NALF1: variants seen among roughly 807,000 people sequenced by gnomAD.
NALF1 encodes the protein NALCN channel auxiliary factor 1, also known as family with sequence similarity 155 member A.
A neutral mutation model predicts 48.4 loss-of-function variants in NALF1; 3 were observed. The observed-to-expected ratio is 0.06, with a 90% confidence interval of 0.03 to 0.16. The LOEUF (loss-of-function observed/expected upper bound fraction) is 0.16. Ranked by LOEUF, NALF1 falls within the 10% of genes least tolerant of loss-of-function variation. NALF1 has a pLI of 1.00. For missense variants in NALF1, 526 were observed against 571.5 expected, an observed-to-expected ratio of 0.92 and a Z score of 0.81; for synonymous variants, 262 against 245.7, an observed-to-expected ratio of 1.07 and a Z score of -0.62.
At chr13:107,262,447 C>T (rs188068167) in intron 1 of NALF1, among the ~76,000 whole-genome samples, 2 of 152,192 alleles carry the variant, frequency 1.3e-5, no homozygotes, top group Non-Finnish European at 2.9e-5. Context: ...ATGGAAGCTG[C>T]AGCATTTCTT....
At chr13:107,340,139 G>A (rs528225711) in intron 1 of NALF1, among the ~76,000 whole-genome samples, 1 of 150,614 alleles carries the variant, frequency 6.6e-6, no homozygotes, top group Non-Finnish European at 1.5e-5. Context: ...GTTTGCCTGT[G>A]GTTGTATACA....
chr13:107,400,361 C>T (rs1883783442), intron 1 of NALF1, among the ~76,000 whole-genome samples: 1 of 152,010 alleles, frequency 6.6e-6, no homozygotes, highest in Non-Finnish European at 1.5e-5. Flanking sequence ...TAAATATCAA[C>T]AAGGAGGAGA....
chr13:107,287,242 G>T (rs1881513894), intron 1 of NALF1, among the ~76,000 whole-genome samples: 1 of 152,136 alleles, frequency 6.6e-6, no homozygotes, highest in African/African-American at 2.4e-5. Flanking sequence ...AAACTGATGA[G>T]GTACAAACAT....
intron 1 of NALF1, among the ~76,000 whole-genome samples, chr13:107,403,877 T>A (rs753518654): frequency 1.3e-5 from 2 of 152,070 alleles, no homozygotes; most frequent in South Asian, 2.1e-4. Flanking sequence ...ATTGTTTTTG[T>A]CCATGGAAAA....
chr13:107,709,282 T>A (rs1875497221), intron 1 of NALF1, among the ~76,000 whole-genome samples: 1 of 152,112 alleles, frequency 6.6e-6, no homozygotes, highest in Non-Finnish European at 1.5e-5. Context: ...AAAACCAGGT[T>A]GGTATAGTTA....
intron 1 of NALF1, among the ~76,000 whole-genome samples, chr13:107,561,652 A>C (rs1439043433): frequency 6.6e-6 from 1 of 152,154 alleles, no homozygotes; most frequent in African/African-American, 2.4e-5. Flanking sequence ...ATTCCCTGCC[A>C]ATCTTTTTAG....
intron 1 of NALF1, among the ~76,000 whole-genome samples, chr13:107,224,679 C>T (rs895800046): frequency 2.0e-5 from 3 of 151,918 alleles, no homozygotes; most frequent in African/African-American, 7.3e-5. Flanking sequence ...CATTCAATTG[C>T]AAATATATCA....
intron 1 of NALF1, among the ~76,000 whole-genome samples, chr13:107,583,308 T>G (rs1878365915): frequency 6.6e-6 from 1 of 152,128 alleles, no homozygotes; most frequent in South Asian, 2.1e-4. Flanking sequence ...CACTTCAGGG[T>G]CTAAATAAAT....
chr13:107,252,224 T>A (rs1880716184), intron 1 of NALF1, among the ~76,000 whole-genome samples: 1 of 152,086 alleles, frequency 6.6e-6, no homozygotes, highest in African/African-American at 2.4e-5. Flanking sequence ...TGTCACAGTT[T>A]GCTGGATGAA....
chr13:107,267,299 A>C (rs889413035), intron 1 of NALF1, among the ~76,000 whole-genome samples: 4 of 152,184 alleles, frequency 2.6e-5, no homozygotes, highest in Admixed American at 6.5e-5. Flanking sequence ...AATTGGACCA[A>C]AGAGGTACAG....
chr13:107,636,413 T>C (rs1384170106), intron 1 of NALF1, among the ~76,000 whole-genome samples: 4 of 152,172 alleles, frequency 2.6e-5, no homozygotes, highest in African/African-American at 9.6e-5. Flanking sequence ...ATTTCTTCAT[T>C]GTATGGTTTT....
intron 1 of NALF1, among the ~76,000 whole-genome samples, chr13:107,706,160 G>A (rs1472143704): frequency 6.6e-6 from 1 of 152,142 alleles, no homozygotes; most frequent in Non-Finnish European, 1.5e-5. Flanking sequence ...AAAGCTGGGT[G>A]GCTGCAGTAT....
chr13:107,622,552 T>C (rs4287426), intron 1 of NALF1, among the ~76,000 whole-genome samples: 56,551 of 151,958 alleles, frequency 0.37, 11,857 homozygotes, highest in East Asian at 0.62. Context: ...CTGCTAAATT[T>C]TGCCTGCTTA....
chr13:107,696,471 G>A lies in NALF1; in HGVS notation c.915+169211C>T, dbSNP rs145471153. On this transcript the variant is annotated intron_variant, in intron 1 of 2. Coordinates refer to ENST00000375915, the MANE Select transcript of NALF1 (RefSeq NM_001080396.3). ...CAAGGGTAGCTTTAAGGACTTGGGA[G>A]TCAGACACAGTCTTAAATACCAACT... 5.5e-3 allele frequency among the ~76,000 whole-genome samples: 833 copies of A among 152,172 alleles called. 10 individuals carry two copies. Among genetic ancestry groups the A allele is most frequent in the African/African-American group, 0.018 (767 of 41,500 alleles).
At chr13:107,629,326 C>T (rs1173064664) in intron 1 of NALF1, among the ~76,000 whole-genome samples, 1 of 152,132 alleles carries the variant, frequency 6.6e-6, no homozygotes, top group Non-Finnish European at 1.5e-5. Context: ...GCAGACATGA[C>T]CAAACAAAAT....
chr13:107,205,766 C>G (rs1310438507), intron 2 of NALF1, among the ~76,000 whole-genome samples: 1 of 152,128 alleles, frequency 6.6e-6, no homozygotes, highest in Admixed American at 6.5e-5. Flanking sequence ...CATGGCTGGT[C>G]TATTTTATCT....
chr13:107,606,096 T>C (rs998332858), intron 1 of NALF1, among the ~76,000 whole-genome samples: 4 of 152,168 alleles, frequency 2.6e-5, no homozygotes, highest in African/African-American at 9.7e-5. Flanking sequence ...ATTGCCTAAA[T>C]TCACATGTAC....
intron 1 of NALF1, among the ~76,000 whole-genome samples, chr13:107,414,229 T>C (rs1884045449): frequency 2.0e-5 from 3 of 152,018 alleles, no homozygotes; most frequent in Admixed American, 2.0e-4. Context: ...ACTTTTATGA[T>C]GCCAATTTTA....
intron 1 of NALF1, among the ~76,000 whole-genome samples, chr13:107,541,490 G>T (rs1876997723): frequency 6.6e-6 from 1 of 152,120 alleles, no homozygotes; most frequent in Admixed American, 6.6e-5. Flanking sequence ...AAGAGAAGGA[G>T]AGAGGAAGAA....
Sources: gnomAD v4.1 joint callset for allele counts (sites outside exome capture counted in the v4.1 genomes callset) on GRCh38, gnomAD v4.1.1 for gene constraint, MANE v1.5 for transcripts, NCBI Gene and HGNC (gene_info 2026-07-23, HGNC 2026-07-21) for gene names.